ZNF536: variants seen among roughly 807,000 people sequenced by gnomAD.
ZNF536 encodes zinc finger protein 536.
Under a neutral mutation model 84.5 loss-of-function variants are expected in ZNF536, and 13 were observed. The observed-to-expected ratio is 0.15, with a 90% CI of 0.10 to 0.24. The LOEUF (loss-of-function observed/expected upper bound fraction) is 0.24. Ranked by LOEUF, ZNF536 falls within the 10% of genes least tolerant of loss-of-function variation. The pLI is 1.00. For missense variants in ZNF536, 1,536 were observed against 1,747.5 expected (o/e 0.88, Z 2.16); for synonymous variants, 811 against 742.5 (o/e 1.09, Z -1.50).
Position 30,380,813 on chromosome 19 carries a change from G to A in ZNF536, c.-3+8257G>A, listed in dbSNP as rs915466207. Among the ~76,000 whole-genome samples the A allele has an allele frequency of 3.3e-5, 5 of 152,224 alleles. No individual in the cohort carries two copies. The East Asian group carries it at 5.8e-4, about 18-fold the overall frequency. ...TGGTCCTGAGTCCACCCAGGTGCCC[G>A]ATGCGTGTTTCTTATTTATTTTAAA... On this transcript the variant is annotated intron_variant, in intron 1 of 4. Transcript: ENST00000355537.
chr19:30,393,684 G>C (rs542621704), intron 1 of ZNF536, among the ~76,000 whole-genome samples: 1 of 152,188 alleles, frequency 6.6e-6, no homozygotes, highest in African/African-American at 2.4e-5. Flanking sequence ...CAGACCCTGT[G>C]GCAGATGGAA....
intron 1 of ZNF536, among the ~76,000 whole-genome samples, chr19:30,613,456 T>C (rs553093945): frequency 2.0e-4 from 31 of 152,316 alleles, no homozygotes; most frequent in African/African-American, 6.5e-4. Flanking sequence ...TTCTCTCCTA[T>C]TGGTTATTCA....
intron 1 of ZNF536, among the ~76,000 whole-genome samples, chr19:30,382,097 G>A (rs2049044377): frequency 6.6e-6 from 1 of 152,164 alleles, no homozygotes; most frequent in South Asian, 2.1e-4. Flanking sequence ...TGGCTGATGT[G>A]TTCACTTCTT....
intron 1 of ZNF536, among the ~76,000 whole-genome samples, chr19:30,402,997 A>G (rs990188240): frequency 8.6e-5 from 13 of 151,740 alleles, no homozygotes; most frequent in Non-Finnish European, 1.0e-4. Flanking sequence ...AAATGTTTAC[A>G]TTTGGTGTTG....
At chr19:30,398,186 G>A (rs1459186032) in intron 1 of ZNF536, among the ~76,000 whole-genome samples, 2 of 152,010 alleles carry the variant, frequency 1.3e-5, no homozygotes. Context: ...TGTAGATTCC[G>A]TAACCACTGC....
At chr19:30,501,833 A>G (rs896721300) in intron 2 of ZNF536, among the ~76,000 whole-genome samples, 5 of 152,230 alleles carry the variant, frequency 3.3e-5, no homozygotes, top group African/African-American at 1.2e-4. Context: ...TTTTGCAATC[A>G]GACCTTGGCG....
At position 30,429,878 on chromosome 19, in the gene ZNF536, A is replaced by G. The variant is rs186244277; in HGVS notation, c.-2-13683A>G. 4.5e-3 allele frequency among the ~76,000 whole-genome samples: 682 copies of G among 152,248 alleles called. 4 individuals are homozygous for G. Among genetic ancestry groups the G allele is most frequent in the African/African-American group, 0.016 (658 of 41,538 alleles). On this transcript the variant is annotated intron_variant, in intron 1 of 4. Coordinates refer to ENST00000355537, the MANE Select transcript of ZNF536 (RefSeq NM_014717.3). ...GGCACGTTGAAGGACTTGGAATCCA[A>G]ATTAGTTCAACCAGAATTTGTAGGT... is the stretch of plus-strand genomic sequence containing the variant.
chr19:30,662,962 CTTTTTTTTTTTT>C (rs951081577), intron 1 of ZNF536, among the ~76,000 whole-genome samples: 48 of 78,756 alleles, frequency 6.1e-4, no homozygotes, highest in African/African-American at 1.7e-3. Context: ...TTTTTCGTTT[CTTTTTTTTTTTT>C]TTTTTTTTTT....
At chr19:30,580,856 C>A (rs2046896422) in intron 1 of ZNF536, among the ~76,000 whole-genome samples, 1 of 152,200 alleles carries the variant, frequency 6.6e-6, no homozygotes, top group African/African-American at 2.4e-5. Flanking sequence ...CTGACATCCT[C>A]CATGGATCAG....
chr19:30,516,139 G>A (rs2044064536), intron 2 of ZNF536, among the ~76,000 whole-genome samples: 1 of 152,070 alleles, frequency 6.6e-6, no homozygotes, highest in Non-Finnish European at 1.5e-5. Context: ...GAGAGACAAG[G>A]GCAGAAGGGA....
At chr19:30,585,279 A>G (rs1174588709) in intron 1 of ZNF536, among the ~76,000 whole-genome samples, 2 of 152,200 alleles carry the variant, frequency 1.3e-5, no homozygotes, top group Non-Finnish European at 2.9e-5. Context: ...AAGGGACTGT[A>G]ATCCTCATGA....
At chr19:30,237,822 A>G (rs886097347) in intron 1 of ZNF536, among the ~76,000 whole-genome samples, 4 of 152,004 alleles carry the variant, frequency 2.6e-5, no homozygotes, top group African/African-American at 9.7e-5. Context: ...TCCTCTCTCA[A>G]TAAGATGCTT....
intron 2 of ZNF536, among the ~76,000 whole-genome samples, chr19:30,514,367 A>C (rs2055545962): frequency 6.6e-6 from 1 of 151,910 alleles, no homozygotes; most frequent in Admixed American, 6.6e-5. Context: ...TGGGTTTCGC[A>C]TGCTCTCTTT....
intron 1 of ZNF536, among the ~76,000 whole-genome samples, chr19:30,385,408 C>T (rs370606728): frequency 5.3e-5 from 8 of 152,086 alleles, no homozygotes; most frequent in African/African-American, 1.2e-4. Flanking sequence ...AGCTGCCTGA[C>T]GGGTGTCTCC....
chr19:30,294,160 G>T (rs566638252), intron 2 of ZNF536, among the ~76,000 whole-genome samples: 1 of 152,280 alleles, frequency 6.6e-6, no homozygotes, highest in Admixed American at 6.5e-5. Flanking sequence ...CAGCTCTAGA[G>T]GGTGGGGTGT....
chr19:30,693,617 GTTTTA>G (rs1479816072), intron 1 of ZNF536, among the ~76,000 whole-genome samples: 4 of 152,108 alleles, frequency 2.6e-5, no homozygotes, highest in East Asian at 3.9e-4. Flanking sequence ...TCTCTTCTGT[GTTTTA>G]TTTTATTTAT....
intron 2 of ZNF536, among the ~76,000 whole-genome samples, chr19:30,526,672 C>G (rs933854109): frequency 8.5e-6 from 1 of 117,192 alleles, no homozygotes; most frequent in Admixed American, 9.0e-5. Context: ...TGCAGTGAGC[C>G]GAGATTGCGC....
chr19:30,252,579 C>A (rs1220355898), intron 1 of ZNF536, among the ~76,000 whole-genome samples: 1 of 144,886 alleles, frequency 6.9e-6, no homozygotes, highest in Non-Finnish European at 1.5e-5. Context: ...CCGAGAGACA[C>A]CTGCCTACCA....
At chr19:30,691,546 C>G (rs918183390) in intron 1 of ZNF536, among the ~76,000 whole-genome samples, 1 of 152,150 alleles carries the variant, frequency 6.6e-6, no homozygotes, top group Non-Finnish European at 1.5e-5. Context: ...AAATAATTTG[C>G]GAGGCTCCCA....
Sources: allele counts gnomAD v4.1 joint callset (sites outside exome capture counted in the v4.1 genomes callset), GRCh38; gene constraint gnomAD v4.1.1; transcripts MANE v1.5; gene names NCBI Gene and HGNC (gene_info 2026-07-23, HGNC 2026-07-21).